The following GALNT15 variants were observed in gnomAD, a reference collection of about 807,000 sequenced individuals.
GALNT15 encodes UDP-GalNAc transferase T15.
GALNT15 carries 67 observed loss-of-function variants against 66.8 expected under a neutral mutation model. The observed-to-expected ratio is 1.00, with a 90% CI of 0.82 to 1.23. The LOEUF (loss-of-function observed/expected upper bound fraction) is 1.23, where lower values mean the gene tolerates loss of function less well. Ranked by LOEUF, GALNT15 falls within the 50% of genes most tolerant of loss-of-function variation. GALNT15 has a pLI of 0.00. For synonymous variants in GALNT15, 313 were observed against 311.5 expected (o/e 1.00, Z -0.05); for missense variants, 827 against 804.3 (o/e 1.03, Z -0.34).
rs1489923901 is a variant in GALNT15, at chr3:16,180,856, A to C, written c.539+5166A>C. 6.6e-6 allele frequency among the ~76,000 whole-genome samples: 1 copy of C among 152,184 alleles called. No individual in the cohort carries two copies. Among genetic ancestry groups the C allele is most frequent in the Non-Finnish European group, 1.5e-5 (1 of 68,032 alleles). On this transcript the variant is annotated intron_variant, in intron 1 of 9. Transcript: ENST00000339732. The surrounding 1 kb of genome is among the most constrained non-coding windows in gnomAD (Gnocchi z 5.0). ...GTGTTTCCCTGGTTTATGTACCCAT[A>C]GCTGTGATTAAACAGTTGTGGACCT...
chr3:16,231,758 C>A (rs1215612392), downstream of GALNT15: 4 of 1,443,336 alleles, frequency 2.8e-6, no homozygotes, highest in Admixed American at 5.9e-5. This position sits in a 1 kb window ranked among gnomAD's most constrained non-coding sequence, Gnocchi z 4.1. Flanking sequence ...ACAGTCCTTC[C>A]TCTCTCTCTC....
At chr3:16,218,971 C>A (rs1029613182) in intron 6 of GALNT15, among the ~76,000 whole-genome samples, 2 of 152,056 alleles carry the variant, frequency 1.3e-5, no homozygotes, top group African/African-American at 4.8e-5. Context: ...TGCGCCACCA[C>A]ACCTGGCTAA....
chr3:16,213,452 C>CAAAAAAAAAA (rs3055462), intron 6 of GALNT15, among the ~76,000 whole-genome samples: 4 of 63,806 alleles, frequency 6.3e-5, no homozygotes, highest in Admixed American at 2.2e-4. Context: ...AACTCCATCT[C>CAAAAAAAAAA]AAAAAAAAAA....
downstream of GALNT15, chr3:16,231,772 C>T (rs761207164): frequency 6.6e-7 from 1 of 1,519,364 alleles, no homozygotes; most frequent in South Asian, 1.2e-5. The surrounding 1 kb of genome is among the most constrained non-coding windows in gnomAD (Gnocchi z 4.1). Flanking sequence ...CTCTCTCCCT[C>T]CCTCTCTCCT....
At chr3:16,247,665 GA>G in the GALNT15 span, among the ~76,000 whole-genome samples, 1 of 152,246 alleles carries the variant, frequency 6.6e-6, no homozygotes, top group African/African-American at 2.4e-5. Context: ...GATAACCTGG[GA>G]AAGTGTGTTG....
In GALNT15 at chr3:16,203,724, C is replaced by T. The variant is rs1276565333; in HGVS notation, c.911+2901C>T. Among the ~76,000 whole-genome samples, 1 of 152,050 alleles carries T rather than the reference C, an allele frequency of 6.6e-6. No individual in the cohort carries two copies. Among genetic ancestry groups the T allele is most frequent in the Non-Finnish European group, 1.5e-5 (1 of 68,034 alleles). ...TTGTCCACTGTGTTTTCTCTGGGCC[C>T]TAGTGTCCAGCTTTTAGGCACTGGC... On this transcript the variant is annotated intron_variant, in intron 3 of 9. Coordinates refer to ENST00000339732, the MANE Select transcript of GALNT15 (RefSeq NM_054110.5). This position sits in a 1 kb window ranked among gnomAD's most constrained non-coding sequence, Gnocchi z 6.2.
intron 1 of GALNT15, among the ~76,000 whole-genome samples, chr3:16,185,446 A>G (rs191223365): frequency 1.1e-4 from 17 of 152,328 alleles, no homozygotes; most frequent in Non-Finnish European, 1.9e-4. Flanking sequence ...AACATCCTCA[A>G]TAAGTTCCCT....
chr3:16,212,458 G>A, intron 5 of GALNT15, 111 bp from the exon 6 acceptor site: 1 of 944,664 alleles, frequency 1.1e-6, no homozygotes, highest in East Asian at 2.6e-5. Context: ...TCACCATTGA[G>A]TGCTCACGAT....
Position 16,219,946 on chromosome 3 carries a change from C to T in GALNT15, c.1561C>T (p.Gln521Ter), listed in dbSNP as rs765056174. The change falls in exon 8 of 10, where the codon CAG becomes TAG. Residue 521 changes from glutamine (Q) to a stop codon, truncating the protein, a stop_gained. Coordinates refer to ENST00000339732, the MANE Select transcript of GALNT15 (RefSeq NM_054110.5). LOFTEE classifies it high-confidence loss of function. The surrounding 1 kb of genome is among the most constrained non-coding windows in gnomAD (Gnocchi z 4.3). ...NTGLGLCADCQAEGDILGCPM... is the reference protein window; with the variant it reads ...NTGLGLCADC ...TGGACTTGGGCTCTGTGCAGACTGC[C>T]AGGCAGAAGGGGACATCCTGGGCTG... 2 of 1,614,188 alleles carry T rather than the reference C, an allele frequency of 1.2e-6. No homozygotes were observed. Among genetic ancestry groups the T allele is most frequent in the Non-Finnish European group, 1.7e-6 (2 of 1,180,028 alleles).
chr3:16,208,271 T>A (rs1006301793), intron 3 of GALNT15, among the ~76,000 whole-genome samples: 8 of 152,178 alleles, frequency 5.3e-5, no homozygotes, highest in African/African-American at 9.7e-5. Flanking sequence ...AATATTACCA[T>A]TTCAACATAT....
downstream of GALNT15, among the ~76,000 whole-genome samples, chr3:16,234,168 A>T (rs2064111842): frequency 6.6e-6 from 1 of 152,232 alleles, no homozygotes; most frequent in Non-Finnish European, 1.5e-5. Context: ...ATGCATAACT[A>T]AGAAAGAGAT....
At chr3:16,244,066 G>C in the GALNT15 span, 1 of 937,180 alleles carries the variant, frequency 1.1e-6, no homozygotes, top group Non-Finnish European at 1.3e-6. Context: ...TAACACAGCT[G>C]CATGGCTCAA....
At chr3:16,241,067 G>C in the GALNT15 span, among the ~76,000 whole-genome samples, 4 of 151,992 alleles carry the variant, frequency 2.6e-5, no homozygotes, top group African/African-American at 7.3e-5. This position sits in a 1 kb window ranked among gnomAD's most constrained non-coding sequence, Gnocchi z 4.6. Flanking sequence ...GTCTCTGGAG[G>C]GTCTTCCTCG....
chr3:16,185,717 C>T (rs757049839), intron 1 of GALNT15, among the ~76,000 whole-genome samples: 7 of 151,630 alleles, frequency 4.6e-5, no homozygotes, highest in Non-Finnish European at 7.4e-5. Flanking sequence ...ACATTCTGCT[C>T]GCACTGTAGT....
chr3:16,227,265 A>T lies in GALNT15; in HGVS notation c.1774-89A>T. The T allele has an allele frequency of 7.4e-7, 1 of 1,357,442 alleles. No individual in the cohort carries two copies. 84.1% of individuals were successfully genotyped at this position (1,357,442 alleles called of 1,614,324 possible). A position where few individuals can be genotyped will look rare whatever the true frequency, so the allele number is the denominator to read the frequency against. On this transcript the variant is annotated intron_variant, in intron 9 of 9. Transcript: ENST00000339732. This position sits in a 1 kb window ranked among gnomAD's most constrained non-coding sequence, Gnocchi z 4.5. ...AGTTCACACCATCTGTTATTCTCTT[A>T]ATGATTAGCACAAATCTTAAAAATA...
chr3:16,194,340 G>A (rs540120475), intron 1 of GALNT15, among the ~76,000 whole-genome samples: 2 of 152,290 alleles, frequency 1.3e-5, no homozygotes, highest in East Asian at 3.9e-4. Flanking sequence ...TTCTCTTTTA[G>A]AAGTGTCTGT....
At position 16,224,575 on chromosome 3, in the gene GALNT15, C is replaced by A. The variant is rs1306474556; in HGVS notation, c.1773+1817C>A. Reference sequence around the variant, plus strand: ...TTCACTTTTACAAGATGAAAAAGTTCTGGATATCTGTTTCATAACAATGTG... The same window carrying A: ...TTCACTTTTACAAGATGAAAAAGTTATGGATATCTGTTTCATAACAATGTG... On this transcript the variant is annotated intron_variant, in intron 9 of 9. Coordinates refer to ENST00000339732, the MANE Select transcript of GALNT15 (RefSeq NM_054110.5). The surrounding 1 kb of genome is among the most constrained non-coding windows in gnomAD (Gnocchi z 5.2). 6.7e-6 allele frequency among the ~76,000 whole-genome samples: 1 copy of A among 149,506 alleles called. No homozygotes were observed. The highest frequency in any genetic ancestry group is 1.5e-5 in the Non-Finnish European group (1 of 67,612).
intron 2 of GALNT15, among the ~76,000 whole-genome samples, chr3:16,196,346 G>C (rs972380015): frequency 2.0e-5 from 3 of 152,024 alleles, no homozygotes; most frequent in East Asian, 1.9e-4. Context: ...TATGTGTATC[G>C]GTCCTTCACT....
chr3:16,222,391 A>T (rs1452801620), intron 8 of GALNT15, among the ~76,000 whole-genome samples: 1 of 152,236 alleles, frequency 6.6e-6, no homozygotes, highest in African/African-American at 2.4e-5. Context: ...GCCAGAATGT[A>T]TAAATATGAA....
Sources: gnomAD v4.1 joint callset for allele counts (sites outside exome capture counted in the v4.1 genomes callset) on GRCh38, gnomAD v4.1.1 for gene constraint, Gnocchi (gnomAD v3.1) non-coding constraint, MANE v1.5 for transcripts, NCBI Gene and HGNC (gene_info 2026-07-23, HGNC 2026-07-21) for gene names.